SLC19A1: variants seen among roughly 807,000 people sequenced by gnomAD.
SLC19A1 encodes solute carrier family 19 member 1.
SLC19A1 carries 37 observed loss-of-function variants against 35.3 expected under a neutral mutation model. That is an observed-to-expected ratio of 1.05 (90% CI 0.81 to 1.38). The LOEUF (loss-of-function observed/expected upper bound fraction) is 1.38. Among genes scored for constraint, SLC19A1 ranks in the 40% most tolerant of loss-of-function variants. The probability of loss-of-function intolerance (pLI) is 0.00; values close to 1 mark genes in which losing one functional copy is unlikely to be tolerated. For synonymous variants in SLC19A1, 460 were observed against 398.5 expected, an observed-to-expected ratio of 1.15 and a Z score of -1.84; for missense variants, 831 against 826.9, an observed-to-expected ratio of 1.00 and a Z score of -0.06.
intron 5 of SLC19A1, among the ~76,000 whole-genome samples, chr21:45,516,775 T>C (rs2146209513): frequency 6.6e-6 from 1 of 152,160 alleles, no homozygotes; most frequent in East Asian, 1.9e-4. Context: ...TGCAGAGGGT[T>C]CAGGAGGCTG....
At chr21:45,543,094 C>T (rs2078361957), upstream of SLC19A1, among the ~76,000 whole-genome samples, 1 of 152,136 alleles carries the variant, frequency 6.6e-6, no homozygotes, top group Admixed American at 6.5e-5. Context: ...GGACGTGGCC[C>T]GGGGCCACCA....
At chr21:45,549,828 G>A (rs2078448612) in intron 1 of SLC19A1, among the ~76,000 whole-genome samples, 1 of 150,408 alleles carries the variant, frequency 6.6e-6, no homozygotes, top group Non-Finnish European at 1.5e-5. Flanking sequence ...ACGGTGGGGA[G>A]GGGACAGCTG....
rs768485363 is a variant in SLC19A1, at chr21:45,515,648, C to T, written c.*10G>A. ...GCCGCCTGCAAAGTTACCACAGGGG[C>T]GCCCGAGAGTCACTGGTTCACATTC... On this transcript the variant is annotated 3_prime_UTR_variant, in exon 6 of 6. Coordinates refer to ENST00000311124, the MANE Select transcript of SLC19A1 (RefSeq NM_194255.4). 2.1e-5 allele frequency: 34 copies of T among 1,612,876 alleles called. No homozygotes were observed. Among genetic ancestry groups the T allele is most frequent in the Middle Eastern group, 1.6e-4 (1 of 6,078 alleles).
At chr21:45,543,180 A>AG (rs975749258), upstream of SLC19A1, among the ~76,000 whole-genome samples, 6 of 152,170 alleles carry the variant, frequency 3.9e-5, no homozygotes, top group African/African-American at 1.4e-4. Context: ...ACACTCAGGA[A>AG]GGGGGGCCTG....
intron 3 of SLC19A1, chr21:45,505,699 T>A: frequency 1.3e-6 from 1 of 743,914 alleles, no homozygotes; most frequent in Non-Finnish European, 2.3e-6. Flanking sequence ...ATGGTGCTCA[T>A]GGGGGCAGCC....
At position 45,533,848 on chromosome 21, in the gene SLC19A1, C is replaced by T. The variant is rs548577291; in HGVS notation, c.190-1700G>A. On this transcript the variant is annotated intron_variant, in intron 2 of 5. Coordinates refer to ENST00000311124, the MANE Select transcript of SLC19A1 (RefSeq NM_194255.4). The surrounding 1 kb of genome is among the most constrained non-coding windows in gnomAD (Gnocchi z 4.5). Reference sequence around the variant, plus strand: ...TCTGGCACACCCAAGATGTGTGGCCCGATGTGCTCAGAGCCCGGCCACCGG... The same window carrying T: ...TCTGGCACACCCAAGATGTGTGGCCTGATGTGCTCAGAGCCCGGCCACCGG... Among the ~76,000 whole-genome samples, 206 of 152,248 alleles carry T rather than the reference C, an allele frequency of 1.4e-3. No homozygotes were observed. Among genetic ancestry groups the T allele is most frequent in the Middle Eastern group, 3.4e-3 (1 of 294 alleles).
At chr21:45,543,127 C>T (rs1398611263), upstream of SLC19A1, among the ~76,000 whole-genome samples, 1 of 152,202 alleles carries the variant, frequency 6.6e-6, no homozygotes, top group Non-Finnish European at 1.5e-5. Flanking sequence ...GCAGGGACAG[C>T]CCGGGGGAGA....
At chr21:45,516,182 C>A (rs766643923) in intron 5 of SLC19A1, 42 bp from the exon 6 acceptor site, 1 of 1,493,944 alleles carries the variant, frequency 6.7e-7, no homozygotes. Flanking sequence ...GAGGGCCTGG[C>A]TGGGACACTG....
At chr21:45,512,487 C>A, downstream of SLC19A1, 1 of 1,253,944 alleles carries the variant, frequency 8.0e-7, no homozygotes, top group Non-Finnish European at 1.1e-6. Flanking sequence ...AGCCCCTGGC[C>A]CCAGGACCTG....
chr21:45,511,237 A>G (rs2037591069), downstream of SLC19A1: 2 of 1,464,446 alleles, frequency 1.4e-6, no homozygotes, highest in Non-Finnish European at 1.9e-6. Flanking sequence ...GTAGGTTCCC[A>G]GTGCCGTGTG....
downstream of SLC19A1, among the ~76,000 whole-genome samples, chr21:45,509,815 T>A (rs1269232917): frequency 6.6e-6 from 1 of 152,164 alleles, no homozygotes; most frequent in Non-Finnish European, 1.5e-5. Context: ...CGCTGTCACA[T>A]CCTTGAGGAA....
chr21:45,538,680 C>T (rs779175210), intron 1 of SLC19A1, among the ~76,000 whole-genome samples: 27 of 152,304 alleles, frequency 1.8e-4, no homozygotes, highest in Middle Eastern at 3.4e-3. Context: ...GGTTGAAACA[C>T]GCGTGGGAGG....
chr21:45,557,165 C>T (rs914157601), intron 1 of SLC19A1, among the ~76,000 whole-genome samples: 10 of 152,202 alleles, frequency 6.6e-5, no homozygotes, highest in African/African-American at 9.6e-5. Context: ...TCAGGAAGAA[C>T]GGAGCTGGAG....
chr21:45,537,142 G>A (rs2078139254), intron 2 of SLC19A1, among the ~76,000 whole-genome samples: 1 of 152,222 alleles, frequency 6.6e-6, no homozygotes, highest in Admixed American at 6.5e-5. Context: ...TTCCTCACCA[G>A]GAGGGCCGAT....
upstream of SLC19A1, among the ~76,000 whole-genome samples, chr21:45,549,131 C>T (rs1204645558): frequency 2.6e-5 from 4 of 152,194 alleles, no homozygotes; most frequent in Non-Finnish European, 4.4e-5. Context: ...GGCAACAACC[C>T]GAATATCCAT....
At chr21:45,511,447 C>T (rs923920366), downstream of SLC19A1, among the ~76,000 whole-genome samples, 2 of 152,078 alleles carry the variant, frequency 1.3e-5, no homozygotes, top group African/African-American at 4.8e-5. Context: ...GTAAGAAGGC[C>T]CCGAAGGTGC....
rs755951168 is a variant in SLC19A1, at chr21:45,531,874, T to C, written c.464A>G (p.Tyr155Cys). ...RPARYQRVAGYSRAAVLLGVF... is the reference protein window; with the variant it reads ...RPARYQRVAGCSRAAVLLGVF... ...GCCCAGCAGCACCGCAGCGCGCGAGTAGCCGGCCACACGCTGGTAGCGCGC... is the reference window on the plus strand; with the variant it reads ...GCCCAGCAGCACCGCAGCGCGCGAGCAGCCGGCCACACGCTGGTAGCGCGC... The change falls in exon 3 of 6, where the codon TAC becomes TGC. Residue 155 changes from tyrosine to cysteine, a missense_variant. By Grantham distance (194) the Tyr-to-Cys change is radical. Coordinates refer to ENST00000311124, the MANE Select transcript of SLC19A1 (RefSeq NM_194255.4). 3 of 1,586,114 alleles carry C rather than the reference T, an allele frequency of 1.9e-6. No individual in the cohort carries two copies. The highest frequency in any genetic ancestry group is 1.1e-5 in the South Asian group (1 of 88,220).
At chr21:45,550,365 C>T (rs973993897) in intron 1 of SLC19A1, among the ~76,000 whole-genome samples, 1 of 152,182 alleles carries the variant, frequency 6.6e-6, no homozygotes, top group East Asian at 1.9e-4. Flanking sequence ...GTATGCCAGA[C>T]CGCTTGGAGA....
At position 45,530,348 on chromosome 21, in the gene SLC19A1, TG is replaced by T. The variant is rs1482403818; in HGVS notation, c.1151+421del. Among the ~76,000 whole-genome samples the T allele has an allele frequency of 9.6e-5, 9 of 93,440 alleles. No homozygotes were observed. In the East Asian group the frequency reaches 1.1e-3, roughly 12 times the overall value. The allele number at this position is 93,440 out of a possible 152,430, so 61.3% of individuals were successfully genotyped here. A position where few individuals can be genotyped will look rare whatever the true frequency, so the allele number is the denominator to read the frequency against. On this transcript the variant is annotated intron_variant, in intron 4 of 5. Transcript: ENST00000311124. This position sits in a 1 kb window ranked among gnomAD's most constrained non-coding sequence, Gnocchi z 5.3. Reference sequence around the variant, plus strand: ...TGGTGAGTGTCCATCTGTGCGCATGTGGTGTGTTCATGAGTGTGTGTGTGTC... The same window carrying T: ...TGGTGAGTGTCCATCTGTGCGCATGTGTGTGTTCATGAGTGTGTGTGTGTC...
Sources: allele counts gnomAD v4.1 joint callset (sites outside exome capture counted in the v4.1 genomes callset), GRCh38; gene constraint gnomAD v4.1.1; non-coding constraint Gnocchi (gnomAD v3.1); transcripts MANE v1.5; gene names NCBI Gene and HGNC (gene_info 2026-07-23, HGNC 2026-07-21).